Variants in MTMR12 observed in about 807,000 individuals in gnomAD.
MTMR12 encodes myotubularin related protein 12.
In MTMR12, 33 loss-of-function variants were observed where a neutral mutation model predicts 96.7. The observed-to-expected ratio is 0.34, with a 90% CI of 0.26 to 0.46. MTMR12 has a LOEUF of 0.46. Among genes scored for constraint, MTMR12 ranks in the 20% least tolerant of loss-of-function variants. The probability of loss-of-function intolerance (pLI) is 1.00; values close to 1 mark genes in which losing one functional copy is unlikely to be tolerated. For missense variants in MTMR12, 721 were observed against 896.1 expected (o/e 0.80, Z 2.49); for synonymous variants, 298 against 327.2 (o/e 0.91, Z 0.96).
At position 32,285,972 on chromosome 5, in the gene MTMR12, C is replaced by T. The variant is rs561379920; in HGVS notation, c.82-9230G>A. On this transcript the variant is annotated intron_variant, in intron 1 of 15. Transcript: ENST00000382142. ...CTGGTTACTCAGAGTTGCAAAATGACCCATCTCTAATATATACCAATTCAT... is the reference window on the plus strand; with the variant it reads ...CTGGTTACTCAGAGTTGCAAAATGATCCATCTCTAATATATACCAATTCAT... Among the ~76,000 whole-genome samples the T allele has an allele frequency of 1.8e-3, 270 of 152,202 alleles. 1 individual carries two copies. Among genetic ancestry groups the T allele is most frequent in the African/African-American group, 6.4e-3 (264 of 41,514 alleles).
rs768699342 is a variant in MTMR12, at chr5:32,276,771, CTTTG to C, written c.82-33_82-30del. ...AAAGAGAAGAGCAAAGGATATTTTTCTTTGTTTAAGGGTTTAAAATGAATAACAT... is the reference window on the plus strand; with the variant it reads ...AAAGAGAAGAGCAAAGGATATTTTTCTTTAAGGGTTTAAAATGAATAACAT... On this transcript the variant is annotated intron_variant, in intron 1 of 15. Coordinates refer to ENST00000382142, the MANE Select transcript of MTMR12 (RefSeq NM_001040446.3). 4 of 1,563,400 alleles carry C rather than the reference CTTTG, an allele frequency of 2.6e-6. No homozygotes were observed. In the African/African-American group the frequency reaches 5.5e-5, roughly 22 times the overall value.
chr5:32,255,774 AG>A lies in MTMR12; in HGVS notation c.714-7del. The A allele has an allele frequency of 6.2e-7, 1 of 1,607,108 alleles. No homozygotes were observed. Among genetic ancestry groups the A allele is most frequent in the South Asian group, 1.1e-5 (1 of 89,724 alleles). On this transcript the variant is annotated splice_polypyrimidine_tract_variant and splice_region_variant and intron_variant, in intron 7 of 15. Coordinates refer to ENST00000382142, the MANE Select transcript of MTMR12 (RefSeq NM_001040446.3). ...CAACAAAGTATGCTGGCAATCTAGA[AG>A]AAAGAAATGTCATCAAGTTTTAGTA...
At chr5:32,249,429 A>C (rs1748827177) in intron 8 of MTMR12, among the ~76,000 whole-genome samples, 1 of 152,196 alleles carries the variant, frequency 6.6e-6, no homozygotes, top group Non-Finnish European at 1.5e-5. Context: ...CACTAGGAAG[A>C]ATGGAATGTT....
Position 32,260,065 on chromosome 5 carries a change from T to G in MTMR12, c.713+3048A>C, listed in dbSNP as rs908517387. ...AAAAAAAAAAAAAAAAAGCGGTACCTGGGGTAAGATCCGACTGATGAAGTG... is the reference window on the plus strand; with the variant it reads ...AAAAAAAAAAAAAAAAAGCGGTACCGGGGGTAAGATCCGACTGATGAAGTG... On this transcript the variant is annotated intron_variant, in intron 7 of 15. Transcript: ENST00000382142. Among the ~76,000 whole-genome samples the G allele has an allele frequency of 6.4e-5, 9 of 140,314 alleles. No homozygotes were observed. In the South Asian group the frequency reaches 6.7e-4, roughly 10 times the overall value. The allele number at this position is 140,314 out of a possible 152,430, so 92.1% of individuals were successfully genotyped here. A position where few individuals can be genotyped will look rare whatever the true frequency, so the allele number is the denominator to read the frequency against.
intron 1 of MTMR12, among the ~76,000 whole-genome samples, chr5:32,284,487 C>T (rs1750443685): frequency 6.6e-6 from 1 of 152,176 alleles, no homozygotes; most frequent in African/African-American, 2.4e-5. Context: ...TCAGAGAGAG[C>T]AGTAGATAGG....
intron 6 of MTMR12, among the ~76,000 whole-genome samples, chr5:32,267,148 C>T (rs780360975): frequency 1.3e-5 from 2 of 151,038 alleles, no homozygotes; most frequent in Admixed American, 1.3e-4. Context: ...AGGCCGAGGC[C>T]GTGGATCACC....
intron 12 of MTMR12, 138 bp from the exon 13 acceptor site, chr5:32,239,311 C>T (rs1410197900): frequency 2.2e-6 from 2 of 899,682 alleles, no homozygotes; most frequent in Non-Finnish European, 3.1e-6. Flanking sequence ...GTTCTTATTC[C>T]CTAAAGGCAA....
intron 14 of MTMR12, 149 bp downstream of exon 14, chr5:32,234,813 G>A: frequency 1.5e-6 from 1 of 649,102 alleles, no homozygotes; most frequent in Non-Finnish European, 2.5e-6. Context: ...TCTCGCAGGG[G>A]CCATGCTAAT....
At chr5:32,275,445 AG>A (rs896134951) in intron 2 of MTMR12, among the ~76,000 whole-genome samples, 1 of 152,212 alleles carries the variant, frequency 6.6e-6, no homozygotes, top group Non-Finnish European at 1.5e-5. Flanking sequence ...GCTCTCCCCA[AG>A]ACCAGGCCAG....
Position 32,291,727 on chromosome 5 carries a change from C to T in MTMR12, c.82-14985G>A, listed in dbSNP as rs370527717. Among the ~76,000 whole-genome samples, 263 of 152,334 alleles carry T rather than the reference C, an allele frequency of 1.7e-3. 8 individuals carry two copies. In the South Asian group the frequency reaches 0.051, roughly 30 times the overall value. The stretch of plus-strand genomic sequence containing the variant: ...ATCAGCTCAGCAACATGGACTTCCA[C>T]TCACCAAGGCTGACCTGGCTACGGC... On this transcript the variant is annotated intron_variant, in intron 1 of 15. Transcript: ENST00000382142.
chr5:32,304,190 C>T (rs777256629), intron 1 of MTMR12, among the ~76,000 whole-genome samples: 1 of 151,964 alleles, frequency 6.6e-6, no homozygotes, highest in Admixed American at 6.6e-5. Context: ...CGTGGTGGCA[C>T]GTGCCTGTAG....
At chr5:32,281,446 C>T (rs1246370326) in intron 1 of MTMR12, among the ~76,000 whole-genome samples, 1 of 152,070 alleles carries the variant, frequency 6.6e-6, no homozygotes, top group East Asian at 1.9e-4. Context: ...TTAGGAATAT[C>T]TGAAGCCAGG....
intron 8 of MTMR12, among the ~76,000 whole-genome samples, chr5:32,254,990 G>A (rs1056230475): frequency 1.5e-4 from 23 of 152,160 alleles, no homozygotes; most frequent in Non-Finnish European, 2.8e-4. Flanking sequence ...TAGACCAGGC[G>A]GAGGGCCTCT....
At chr5:32,250,858 C>T in intron 8 of MTMR12, among the ~76,000 whole-genome samples, 1 of 152,210 alleles carries the variant, frequency 6.6e-6, no homozygotes, top group South Asian at 2.1e-4. Context: ...TAGAAAAAAA[C>T]AAAGTTCCTG....
At chr5:32,275,598 A>G (rs976491836) in intron 2 of MTMR12, among the ~76,000 whole-genome samples, 2 of 152,218 alleles carry the variant, frequency 1.3e-5, no homozygotes, top group African/African-American at 4.8e-5. Context: ...TAGAAGCACA[A>G]GAGTTGGGAG....
At chr5:32,260,879 A>G (rs544473397) in intron 7 of MTMR12, among the ~76,000 whole-genome samples, 3 of 151,720 alleles carry the variant, frequency 2.0e-5, no homozygotes, top group Non-Finnish European at 4.4e-5. Context: ...GGTGTTAGGG[A>G]GTATGTTCCA....
chr5:32,305,408 A>G (rs1221079580), intron 1 of MTMR12, among the ~76,000 whole-genome samples: 2 of 152,132 alleles, frequency 1.3e-5, no homozygotes, highest in Admixed American at 6.5e-5. Flanking sequence ...TTAAAAAAAG[A>G]AGGCAAAGGA....
chr5:32,280,390 T>C lies in MTMR12; in HGVS notation c.82-3648A>G, dbSNP rs531523351. Among the ~76,000 whole-genome samples the C allele has an allele frequency of 2.0e-3, 301 of 152,278 alleles. 3 individuals carry two copies. The highest frequency in any genetic ancestry group is 6.6e-3 in the African/African-American group (274 of 41,554). ...CCAAAACAATTTCTTTCCATTGCAT[T>C]TGACACAGTGCTAAAAGGACATAAC... On this transcript the variant is annotated intron_variant, in intron 1 of 15. Coordinates refer to ENST00000382142, the MANE Select transcript of MTMR12 (RefSeq NM_001040446.3).
At chr5:32,282,645 G>A (rs561494782) in intron 1 of MTMR12, among the ~76,000 whole-genome samples, 1 of 152,070 alleles carries the variant, frequency 6.6e-6, no homozygotes, top group Admixed American at 6.5e-5. Context: ...GTCCCAAGAA[G>A]AGAAATAACC....
Sources: gnomAD v4.1 joint callset for allele counts (sites outside exome capture counted in the v4.1 genomes callset) on GRCh38, gnomAD v4.1.1 for gene constraint, MANE v1.5 for transcripts, NCBI Gene and HGNC (gene_info 2026-07-23, HGNC 2026-07-21) for gene names.